The following PLPPR3 variants were observed in gnomAD, a reference collection of about 807,000 sequenced individuals.
PLPPR3 encodes the protein phospholipid phosphatase-related protein type 3.
In PLPPR3, 14 loss-of-function variants were observed where a neutral mutation model predicts 27.3. That is an observed-to-expected ratio of 0.51 (90% CI 0.34 to 0.80). The LOEUF (loss-of-function observed/expected upper bound fraction) is 0.80. PLPPR3 is among the 30% of genes least tolerant of loss of function. PLPPR3 has a pLI of 0.01. For missense variants in PLPPR3, 1,287 were observed against 1,056.9 expected, an observed-to-expected ratio of 1.22 and a Z score of -3.02; for synonymous variants, 671 against 508.0, an observed-to-expected ratio of 1.32 and a Z score of -4.32.
chr19:812,720 C>T lies in PLPPR3; in HGVS notation c.2007G>A (p.Pro669=), dbSNP rs1290963965. ...CCAGCGCCCCATCGGCCGCGCCCAGCGGGGGCAGCCCCTCGCCCGTGGCCA... is the reference window on the plus strand; with the variant it reads ...CCAGCGCCCCATCGGCCGCGCCCAGTGGGGGCAGCCCCTCGCCCGTGGCCA... The part of the protein sequence containing the change: ...VNLATGEGLP[P]LGAADGALGP... Residue 669 remains proline (P), a synonymous_variant, in exon 8 of 8, where the codon CCG becomes CCA. Transcript: ENST00000520876. The T allele has an allele frequency of 2.6e-5, 28 of 1,059,054 alleles. No individual in the cohort carries two copies. Among genetic ancestry groups the T allele is most frequent in the African/African-American group, 6.9e-5 (4 of 57,960 alleles). The allele number at this position is 1,059,054 out of a possible 1,614,324, so 65.6% of individuals were successfully genotyped here. A position where few individuals can be genotyped will look rare whatever the true frequency, so the allele number is the denominator to read the frequency against.
intron 2 of PLPPR3, among the ~76,000 whole-genome samples, chr19:817,673 A>C (rs1384404768): frequency 6.6e-6 from 1 of 152,126 alleles, no homozygotes; most frequent in Non-Finnish European, 1.5e-5. Context: ...TGGGGGCTCC[A>C]GGAAGGGAAA....
chr19:812,540 C>CGG lies in PLPPR3; in HGVS notation c.*29_*30insCC. The CGG allele has an allele frequency of 3.1e-4, 293 of 934,432 alleles. No individual in the cohort carries two copies. The highest frequency in any genetic ancestry group is 5.2e-4 in the South Asian group (11 of 21,220). 57.9% of individuals were successfully genotyped at this position (934,432 alleles called of 1,614,324 possible). ...CGCGCGGCCGCCCGCGCCCTCGGCCCGCCCCCCGCCCGCCCCCGGCCCCGC... is the reference window on the plus strand; with the variant it reads ...CGCGCGGCCGCCCGCGCCCTCGGCCCGGGCCCCCCGCCCGCCCCCGGCCCCGC... On this transcript the variant is annotated 3_prime_UTR_variant, in exon 8 of 8. Coordinates refer to ENST00000520876, the MANE Select transcript of PLPPR3 (RefSeq NM_001270366.2).
In PLPPR3 at chr19:814,829, C is replaced by A. The variant is rs1478589820; in HGVS notation, c.599+57G>T. On this transcript the variant is annotated intron_variant, in intron 5 of 7. Transcript: ENST00000520876. ...GCCTCTCTGTGTCTCTGTTTCCCCG[C>A]ATGTTCACCGGGGCGGAAGAAGGCT... 104 of 1,579,914 alleles carry A rather than the reference C, an allele frequency of 6.6e-5. 1 individual carries two copies. Among genetic ancestry groups the A allele is most frequent in the Non-Finnish European group, 8.8e-5 (103 of 1,167,070 alleles).
In PLPPR3 at chr19:813,730, C is replaced by T; in HGVS notation, c.997G>A (p.Glu333Lys). ...TDELGPPGRL[E>K]GAPRPVAREK... is the part of the protein sequence containing the mutation. ...CGGGCCACGGGCCGGGGCGCGCCCT[C>T]CAGCCGCCCTGGGGGCCCCAGCTCG... Residue 333 changes from glutamate to lysine, a missense_variant, in exon 8 of 8, where the codon GAG (glutamate) becomes AAG (lysine). Physicochemically the swap from Glu to Lys is moderately conservative, Grantham distance 56. Transcript: ENST00000520876. This position sits in a 1 kb window ranked among gnomAD's most constrained non-coding sequence, Gnocchi z 4.1. The T allele has an allele frequency of 6.6e-7, 1 of 1,525,292 alleles. No homozygotes were observed. Among genetic ancestry groups the T allele is most frequent in the Non-Finnish European group, 8.8e-7 (1 of 1,142,194 alleles). 94.5% of individuals were successfully genotyped at this position (1,525,292 alleles called of 1,614,324 possible).
chr19:818,898 A>G (rs900535191), intron 2 of PLPPR3, among the ~76,000 whole-genome samples: 2 of 151,060 alleles, frequency 1.3e-5, no homozygotes, highest in Non-Finnish European at 2.9e-5. Flanking sequence ...GCCTCAAGTG[A>G]TCTTCCTGCC....
intron 2 of PLPPR3, among the ~76,000 whole-genome samples, chr19:819,532 C>T (rs951031497): frequency 3.3e-5 from 5 of 151,356 alleles, no homozygotes; most frequent in East Asian, 2.0e-4. Flanking sequence ...TTAGGTGATC[C>T]GCCCACCTCG....
chr19:821,458 C>T (rs1177355980), intron 2 of PLPPR3, 27 bp downstream of exon 2: 7 of 1,505,180 alleles, frequency 4.7e-6, no homozygotes, highest in Admixed American at 2.2e-5. Flanking sequence ...GGCGTCTCCC[C>T]CGGGCCCCAG....
At chr19:817,612 T>C (rs1313607708) in intron 2 of PLPPR3, among the ~76,000 whole-genome samples, 1 of 152,136 alleles carries the variant, frequency 6.6e-6, no homozygotes, top group Non-Finnish European at 1.5e-5. Context: ...TATGGCATCT[T>C]AGCAGGGGTT....
Position 813,643 on chromosome 19 carries a change from G to A in PLPPR3, c.1084C>T (p.Arg362Cys), listed in dbSNP as rs1025138110. 1.8e-5 allele frequency: 27 copies of A among 1,538,714 alleles called. No individual in the cohort carries two copies. Among genetic ancestry groups the A allele is most frequent in the African/African-American group, 6.9e-5 (5 of 72,722 alleles). ...ASVDVDLLAP[R>C]SPMAKENMVT... is the part of the protein sequence containing the mutation. The stretch of plus-strand genomic sequence containing the variant: ...ATGTTCTCCTTGGCCATGGGGCTGC[G>A]CGGGGCCAGCAGGTCCACGTCCACG... Residue 362 changes from arginine (R) to cysteine (C), a missense_variant, in exon 8 of 8, where the codon CGC becomes TGC. Transcript: ENST00000520876. This position sits in a 1 kb window ranked among gnomAD's most constrained non-coding sequence, Gnocchi z 4.1.
rs942645095 is a variant in PLPPR3 at position 813,901 on chromosome 19, G to A, written c.832-6C>T. ...TTGCCCACCGCGTGGCAGGCCTGTCGGGGAGAGGGGTCTGGGGGTGAGGCC... is the reference window on the plus strand; with the variant it reads ...TTGCCCACCGCGTGGCAGGCCTGTCAGGGAGAGGGGTCTGGGGGTGAGGCC... On this transcript the variant is annotated splice_region_variant and splice_polypyrimidine_tract_variant and intron_variant, in intron 7 of 7. Coordinates refer to ENST00000520876, the MANE Select transcript of PLPPR3 (RefSeq NM_001270366.2). This position sits in a 1 kb window ranked among gnomAD's most constrained non-coding sequence, Gnocchi z 4.1. 15 of 1,429,058 alleles carry A rather than the reference G, an allele frequency of 1.0e-5. No individual in the cohort carries two copies. The highest frequency in any genetic ancestry group is 1.4e-5 in the Non-Finnish European group (15 of 1,098,548). 88.5% of individuals were successfully genotyped at this position (1,429,058 alleles called of 1,614,324 possible). A position where few individuals can be genotyped will look rare whatever the true frequency, so the allele number is the denominator to read the frequency against.
intron 2 of PLPPR3, among the ~76,000 whole-genome samples, chr19:818,564 C>T (rs571287358): frequency 2.6e-5 from 4 of 151,580 alleles, no homozygotes; most frequent in Non-Finnish European, 4.4e-5. Flanking sequence ...TTTGGAGTCT[C>T]GCTCTGTCGC....
intron 2 of PLPPR3, among the ~76,000 whole-genome samples, chr19:820,332 C>G (rs560868402): frequency 6.6e-6 from 1 of 151,692 alleles, no homozygotes; most frequent in East Asian, 2.0e-4. Flanking sequence ...TAAAGGCACG[C>G]AGCACACGCC....
At chr19:821,706 G>A (rs1270503428) in intron 1 of PLPPR3, 121 bp from the exon 2 acceptor site, 6 of 465,650 alleles carry the variant, frequency 1.3e-5, no homozygotes, top group Non-Finnish European at 2.2e-5. Context: ...AGCGGCGTCC[G>A]CGTGGCCTCC....
intron 2 of PLPPR3, among the ~76,000 whole-genome samples, chr19:817,297 T>G (rs140435143): frequency 4.0e-5 from 6 of 150,996 alleles, no homozygotes; most frequent in African/African-American, 1.2e-4. Context: ...AGCCTTTTTT[T>G]TTCCCCCACT....
chr19:815,497 G>A (rs2035038344), intron 3 of PLPPR3, among the ~76,000 whole-genome samples, 169 bp downstream of exon 3: 1 of 150,682 alleles, frequency 6.6e-6, no homozygotes, highest in East Asian at 1.9e-4. Context: ...ACAGGCCCCG[G>A]TGTGGATGTT....
upstream of PLPPR3, among the ~76,000 whole-genome samples, chr19:822,142 C>T (rs1000430101): frequency 2.0e-5 from 3 of 151,470 alleles, no homozygotes; most frequent in African/African-American, 4.9e-5. Flanking sequence ...CTCCCACCGC[C>T]GGGGGTCTCG....
In PLPPR3 at chr19:814,467, G is replaced by A. The variant is rs1045076532; in HGVS notation, c.798C>T (p.Gly266=). 9 of 1,606,940 alleles carry A rather than the reference G, an allele frequency of 5.6e-6. No individual in the cohort carries two copies. In the African/African-American group the frequency reaches 1.1e-4, roughly 19 times the overall value. The change falls in exon 7 of 8, where the codon GGC becomes GGT. Residue 266 remains glycine, a synonymous_variant. Coordinates refer to ENST00000520876, the MANE Select transcript of PLPPR3 (RefSeq NM_001270366.2). ...CAGCGATGCCCGCCCCGATGAGGAA[G>A]CCGGCATACACGTCCACAGGGTGGC... is the stretch of plus-strand genomic sequence containing the variant. ...YRSHPVDVYA[G]FLIGAGIAAY...
rs113986311 is a variant in PLPPR3 at position 815,511 on chromosome 19, C to T, written c.261+155G>A. On this transcript the variant is annotated intron_variant, in intron 3 of 7. Transcript: ENST00000520876. ...CACAGGCCCCGGTGTGGATGTTCAC[C>T]GAGGTGGCAGTGGCTGCGGTGCCCA... Among the ~76,000 whole-genome samples, 392 of 150,078 alleles carry T rather than the reference C, an allele frequency of 2.6e-3. 5 individuals are homozygous for T. Among genetic ancestry groups the T allele is most frequent in the African/African-American group, 8.9e-3 (358 of 40,092 alleles).
intron 2 of PLPPR3, 142 bp from the exon 3 acceptor site, chr19:815,993 A>T: frequency 1.3e-6 from 1 of 781,858 alleles, no homozygotes; most frequent in East Asian, 2.7e-5. Flanking sequence ...TTCCCCCATG[A>T]GTTATTCATC....
Sources: allele counts gnomAD v4.1 joint callset (sites outside exome capture counted in the v4.1 genomes callset), GRCh38; gene constraint gnomAD v4.1.1; non-coding constraint Gnocchi (gnomAD v3.1); transcripts MANE v1.5; gene names NCBI Gene and HGNC (gene_info 2026-07-23, HGNC 2026-07-21).